The following TULP4 variants were observed in gnomAD, a reference collection of about 807,000 sequenced individuals.
The protein encoded by TULP4 is TUB like protein 4.
A neutral mutation model predicts 129.0 loss-of-function variants in TULP4; 16 were observed. That is an observed-to-expected ratio of 0.12 (90% CI 0.08 to 0.19). The LOEUF is 0.19. Ranked by LOEUF, TULP4 falls within the 10% of genes least tolerant of loss-of-function variation. The probability of loss-of-function intolerance (pLI) is 1.00; values close to 1 mark genes in which losing one functional copy is unlikely to be tolerated. For missense variants in TULP4, 1,842 were observed against 2,059.1 expected, an observed-to-expected ratio of 0.89 and a Z score of 2.04; for synonymous variants, 998 against 854.0, an observed-to-expected ratio of 1.17 and a Z score of -2.94.
Position 158,503,169 on chromosome 6 carries a change from T to G in TULP4, c.3506T>G (p.Ile1169Ser). 19 of 1,613,352 alleles carry G rather than the reference T, an allele frequency of 1.2e-5. No individual in the cohort carries two copies. Among genetic ancestry groups the G allele is most frequent in the Non-Finnish European group, 1.6e-5 (19 of 1,179,532 alleles). ...QHLDVSRLPF[I>S]SPKSPASPTA... ...CTGGACGTGTCCCGACTGCCCTTCA[T>G]CTCCCCCAAGTCTCCTGCCAGCCCC... is the stretch of plus-strand genomic sequence containing the variant. The change falls in exon 13 of 14, where the codon ATC (isoleucine) becomes AGC (serine). Residue 1169 changes from isoleucine (I) to serine (S), a missense_variant. Around this residue, in one of 5 missense-constraint regions of TULP4, gnomAD observed 1,089 missense variants for 987.1 expected, o/e 1.10. Transcript: ENST00000367097. This position sits in a 1 kb window ranked among gnomAD's most constrained non-coding sequence, Gnocchi z 4.3.
chr6:158,436,711 C>T (rs137995820), intron 3 of TULP4, among the ~76,000 whole-genome samples: 8 of 152,312 alleles, frequency 5.3e-5, no homozygotes, highest in East Asian at 1.9e-4. Flanking sequence ...TTTTCTTAGA[C>T]GCTCTTAAAG....
At chr6:158,403,379 G>A (rs1206527929) in intron 1 of TULP4, among the ~76,000 whole-genome samples, 2 of 152,118 alleles carry the variant, frequency 1.3e-5, no homozygotes, top group East Asian at 1.9e-4. Flanking sequence ...CGCTCTTGTT[G>A]CCCAGGCTGG....
At chr6:158,304,615 T>C (rs985838544) in intron 1 of TULP4, among the ~76,000 whole-genome samples, 11 of 152,160 alleles carry the variant, frequency 7.2e-5, no homozygotes, top group African/African-American at 2.4e-4. Context: ...AACCAACTTA[T>C]CTCATTTTTT....
At chr6:158,338,312 C>G (rs1196349629) in intron 1 of TULP4, among the ~76,000 whole-genome samples, 1 of 152,170 alleles carries the variant, frequency 6.6e-6, no homozygotes, top group African/African-American at 2.4e-5. Flanking sequence ...TGAGCCACCC[C>G]ACCCAGCCCA....
At chr6:158,425,419 C>T (rs1778459278) in intron 2 of TULP4, among the ~76,000 whole-genome samples, 1 of 145,768 alleles carries the variant, frequency 6.9e-6, no homozygotes, top group South Asian at 2.2e-4. Context: ...AGGCTGCAGC[C>T]GGAGAATCAC....
intron 1 of TULP4, among the ~76,000 whole-genome samples, chr6:158,319,427 C>G (rs1469813109): frequency 2.4e-5 from 2 of 81,832 alleles, no homozygotes; most frequent in East Asian, 7.9e-4. Context: ...CTTACCTTAT[C>G]TTCACTCCCT....
chr6:158,248,766 GTAAA>G lies in TULP4; in HGVS notation n.68+16478_68+16481del, dbSNP rs200382093. On this transcript the variant is annotated intron_variant and non_coding_transcript_variant, in intron 1 of 1. Transcript: ENST00000620026. ...CCAAAATAAATAAATAAGTAAGTAA[GTAAA>G]TAAATAAATAAATAGTGATGCCTGG... Among the ~76,000 whole-genome samples, 1,367 of 148,738 alleles carry G rather than the reference GTAAA, an allele frequency of 9.2e-3. 14 individuals carry two copies. Among genetic ancestry groups the G allele is most frequent in the African/African-American group, 0.031 (1,247 of 40,870 alleles).
chr6:158,481,264 G>T lies in TULP4; in HGVS notation c.1461G>T (p.Met487Ile), dbSNP rs1275784512. Residue 487 changes from methionine to isoleucine, a missense_variant, in exon 8 of 14, where the codon ATG becomes ATT. Coordinates refer to ENST00000367097, the MANE Select transcript of TULP4 (RefSeq NM_020245.5). The stretch of plus-strand genomic sequence containing the variant: ...AGCTGCGGCCAGAGTTCGTCATCAT[G>T]GACCCGCGGACAGATAGCAAACCAG... Reference protein sequence around the residue: ...ISKLRPEFVIMDPRTDSKPDE... With the variant: ...ISKLRPEFVIIDPRTDSKPDE... The T allele has an allele frequency of 3.7e-6, 6 of 1,614,020 alleles. No homozygotes were observed. The highest frequency in any genetic ancestry group is 1.6e-4 in the Middle Eastern group (1 of 6,062).
intron 6 of TULP4, among the ~76,000 whole-genome samples, chr6:158,462,216 C>G (rs751235848): frequency 3.9e-5 from 6 of 151,904 alleles, no homozygotes; most frequent in Non-Finnish European, 8.8e-5. Flanking sequence ...AGACTACAGG[C>G]TTAAATGCTT....
intron 1 of TULP4, among the ~76,000 whole-genome samples, chr6:158,390,525 G>A (rs574612579): frequency 6.6e-6 from 1 of 152,266 alleles, no homozygotes; most frequent in African/African-American, 2.4e-5. Flanking sequence ...TTTGTAACTA[G>A]AAGTATTTTC....
chr6:158,446,942 A>G (rs1437897389), intron 3 of TULP4, among the ~76,000 whole-genome samples: 1 of 152,024 alleles, frequency 6.6e-6, no homozygotes, highest in Non-Finnish European at 1.5e-5. Flanking sequence ...CAAAGACCTT[A>G]CCTCCAAATA....
intron 1 of TULP4, among the ~76,000 whole-genome samples, chr6:158,240,726 G>A (rs1339054987): frequency 7.7e-6 from 1 of 129,136 alleles, no homozygotes; most frequent in African/African-American, 2.6e-5. Context: ...TCCCGGACGG[G>A]GCGGCTGGCC....
intron 1 of TULP4, among the ~76,000 whole-genome samples, chr6:158,273,758 T>C (rs924267301): frequency 3.9e-5 from 6 of 152,218 alleles, no homozygotes; most frequent in Non-Finnish European, 7.3e-5. Context: ...GTCCTAACAA[T>C]AGTACCATGA....
intron 1 of TULP4, among the ~76,000 whole-genome samples, chr6:158,247,476 A>G (rs1027862703): frequency 7.2e-5 from 11 of 152,204 alleles, no homozygotes; most frequent in African/African-American, 2.7e-4. Flanking sequence ...TTTGAATTCT[A>G]CTTAAATGTT....
intron 1 of TULP4, among the ~76,000 whole-genome samples, chr6:158,364,826 T>TC (rs1780887353): frequency 6.6e-6 from 1 of 152,162 alleles, no homozygotes; most frequent in African/African-American, 2.4e-5. Context: ...AAGCTCTGCC[T>TC]CCCAGGTTGA....
At chr6:158,392,526 A>G (rs1477628046) in intron 1 of TULP4, among the ~76,000 whole-genome samples, 1 of 152,122 alleles carries the variant, frequency 6.6e-6, no homozygotes, top group African/African-American at 2.4e-5. Context: ...TCTCATAATC[A>G]CAAGATGACT....
chr6:158,448,707 C>G (rs1264758059), intron 3 of TULP4, among the ~76,000 whole-genome samples: 1 of 152,142 alleles, frequency 6.6e-6, no homozygotes, highest in African/African-American at 2.4e-5. Context: ...AGCAAAACCC[C>G]TGCAAATAGT....
chr6:158,504,213 GGAGGC>G (rs1466502116), intron 13 of TULP4, 35 bp downstream of exon 13: 1 of 1,477,814 alleles, frequency 6.8e-7, no homozygotes, highest in East Asian at 2.4e-5. Context: ...TGCGAGCCCA[GGAGGC>G]GAGGGTTTCA....
upstream of TULP4, among the ~76,000 whole-genome samples, chr6:158,278,092 C>T (rs925563288): frequency 6.6e-6 from 1 of 152,184 alleles, no homozygotes. Context: ...GTGCTAAATT[C>T]ATCATCATAG....
Sources: allele counts gnomAD v4.1 joint callset (sites outside exome capture counted in the v4.1 genomes callset), GRCh38; gene constraint gnomAD v4.1.1; regional missense constraint gnomAD v4.1.1; non-coding constraint Gnocchi (gnomAD v3.1); transcripts MANE v1.5; gene names NCBI Gene and HGNC (gene_info 2026-07-23, HGNC 2026-07-21).